The following STXBP6 variants were observed in gnomAD, a reference collection of about 807,000 sequenced individuals.
STXBP6 encodes syntaxin-binding protein 6.
STXBP6 carries 21 observed loss-of-function variants against 26.9 expected under a neutral mutation model. That is an observed-to-expected ratio of 0.78 (90% CI 0.55 to 1.12). The LOEUF (loss-of-function observed/expected upper bound fraction) is 1.12, where lower values mean the gene tolerates loss of function less well. Among genes scored for constraint, STXBP6 ranks in the 50% most tolerant of loss-of-function variants. The probability of loss-of-function intolerance (pLI) is 0.00; values close to 1 mark genes in which losing one functional copy is unlikely to be tolerated. For missense variants in STXBP6, 232 were observed against 257.9 expected (o/e 0.90, Z 0.69); for synonymous variants, 97 against 92.6 (o/e 1.05, Z -0.27).
chr14:25,037,665 A>G (rs1331917406), intron 1 of STXBP6, among the ~76,000 whole-genome samples: 1 of 152,168 alleles, frequency 6.6e-6, no homozygotes, highest in African/African-American at 2.4e-5. Context: ...TCCCAAAATC[A>G]CTGTACATGC....
At chr14:24,964,956 G>C (rs958996262) in intron 2 of STXBP6, among the ~76,000 whole-genome samples, 1 of 152,120 alleles carries the variant, frequency 6.6e-6, no homozygotes, top group African/African-American at 2.4e-5. Flanking sequence ...AGGATAAAGA[G>C]GCCTAAACAC....
chr14:24,865,069 A>C (rs541614171), intron 2 of STXBP6, among the ~76,000 whole-genome samples: 21 of 33,962 alleles, frequency 6.2e-4, no homozygotes, highest in Non-Finnish European at 2.9e-3. Context: ...AAATATTTTA[A>C]TTTTTAATTT....
chr14:24,951,999 GT>G (rs956239356), intron 2 of STXBP6, among the ~76,000 whole-genome samples: 13 of 151,144 alleles, frequency 8.6e-5, no homozygotes, highest in African/African-American at 2.9e-4. Flanking sequence ...TTTTGATTGT[GT>G]TTTTAGCACA....
chr14:24,884,423 A>T (rs577956735), intron 2 of STXBP6, among the ~76,000 whole-genome samples: 16 of 152,354 alleles, frequency 1.1e-4, no homozygotes, highest in South Asian at 8.3e-4. Flanking sequence ...TTTTCATTTT[A>T]AATTACAATG....
intron 2 of STXBP6, among the ~76,000 whole-genome samples, chr14:24,930,972 G>C (rs1336743490): frequency 1.4e-5 from 2 of 145,238 alleles, no homozygotes; most frequent in Non-Finnish European, 3.0e-5. Context: ...TTAGCCGGGC[G>C]CGGTGGCGGG....
intron 4 of STXBP6, among the ~76,000 whole-genome samples, chr14:24,854,882 T>C (rs8021541): frequency 0.21 from 31,315 of 151,994 alleles, 3,999 homozygotes; most frequent in East Asian, 0.49. Flanking sequence ...ACACCATTCA[T>C]CACCTCTTGT....
At chr14:24,967,975 C>T (rs988397049) in intron 2 of STXBP6, among the ~76,000 whole-genome samples, 8 of 152,024 alleles carry the variant, frequency 5.3e-5, no homozygotes, top group African/African-American at 1.5e-4. Flanking sequence ...ATGGTGACCC[C>T]GGCAGATCAT....
intron 2 of STXBP6, among the ~76,000 whole-genome samples, chr14:24,938,206 C>T (rs1456355597): frequency 6.6e-6 from 1 of 152,154 alleles, no homozygotes; most frequent in Non-Finnish European, 1.5e-5. Context: ...CACGCAAGAG[C>T]AGTATGAACC....
chr14:24,833,144 A>G (rs1332509883), intron 4 of STXBP6, among the ~76,000 whole-genome samples: 1 of 152,170 alleles, frequency 6.6e-6, no homozygotes, highest in Non-Finnish European at 1.5e-5. Context: ...AAGCACAGGG[A>G]GTGGATCTGC....
At position 24,864,586 on chromosome 14, in the gene STXBP6, C is replaced by T. The variant is rs1214118861; in HGVS notation, c.155-7429G>A. Among the ~76,000 whole-genome samples the T allele has an allele frequency of 2.0e-5, 3 of 151,808 alleles. No individual in the cohort carries two copies. The East Asian group carries it at 5.8e-4, about 29-fold the overall frequency. ...GAACCATGGAAGGATGTCATGTGCA[C>T]ATGGATCTCCTTTAATGTGAGAAGG... is the stretch of plus-strand genomic sequence containing the variant. On this transcript the variant is annotated intron_variant, in intron 2 of 5. Coordinates refer to ENST00000323944, the MANE Select transcript of STXBP6 (RefSeq NM_001394410.1).
At chr14:24,954,955 T>C (rs1185993006) in intron 2 of STXBP6, among the ~76,000 whole-genome samples, 1 of 152,184 alleles carries the variant, frequency 6.6e-6, no homozygotes, top group Non-Finnish European at 1.5e-5. Context: ...TGGGCATACC[T>C]ACTCCTCTGT....
intron 2 of STXBP6, among the ~76,000 whole-genome samples, chr14:24,916,593 G>A (rs2071779172): frequency 6.6e-6 from 1 of 152,064 alleles, no homozygotes; most frequent in Non-Finnish European, 1.5e-5. Context: ...TGTGGGGAGT[G>A]TTTTGTTTTA....
At chr14:24,832,922 TA>T (rs1437798445) in intron 4 of STXBP6, among the ~76,000 whole-genome samples, 27 of 152,334 alleles carry the variant, frequency 1.8e-4, no homozygotes, top group African/African-American at 5.8e-4. Context: ...TTTCATTCAT[TA>T]TCCTATTAGT....
At chr14:24,850,131 C>A (rs763382772) in intron 4 of STXBP6, among the ~76,000 whole-genome samples, 1 of 151,888 alleles carries the variant, frequency 6.6e-6, no homozygotes, top group Non-Finnish European at 1.5e-5. Flanking sequence ...GCCTGGGACA[C>A]GCACAAGGTG....
chr14:25,036,802 G>A (rs2075562054), intron 1 of STXBP6, among the ~76,000 whole-genome samples: 1 of 142,564 alleles, frequency 7.0e-6, no homozygotes, highest in South Asian at 2.2e-4. Flanking sequence ...CTTGCAGTGA[G>A]CCAAGATGGC....
chr14:24,975,565 T>C (rs1176069220), intron 1 of STXBP6, among the ~76,000 whole-genome samples: 2 of 152,178 alleles, frequency 1.3e-5, no homozygotes, highest in African/African-American at 2.4e-5. Context: ...ATCTGACTAA[T>C]GCTAAGTATT....
intron 5 of STXBP6, among the ~76,000 whole-genome samples, chr14:24,818,823 C>T (rs191768900): frequency 2.0e-5 from 3 of 152,194 alleles, no homozygotes; most frequent in South Asian, 2.1e-4. Context: ...GTCAGAGATA[C>T]GGCTGAGGAC....
rs954906657 is a variant in STXBP6, at chr14:25,049,682, G to A, written c.-33+196C>T. On this transcript the variant is annotated intron_variant, in intron 1 of 5. Transcript: ENST00000323944. This position sits in a 1 kb window ranked among gnomAD's most constrained non-coding sequence, Gnocchi z 5.6. ...CTCTCTGCGCGCACAAAGCAGCTGC[G>A]CCGGGGCGCGCGGCCCCCTCTCCCG... is the stretch of plus-strand genomic sequence containing the variant. The A allele has an allele frequency of 6.8e-5, 67 of 985,750 alleles. No individual in the cohort carries two copies. The Admixed American group carries it at 8.0e-4, about 12-fold the overall frequency. 61.1% of individuals were successfully genotyped at this position (985,750 alleles called of 1,614,324 possible).
intron 2 of STXBP6, among the ~76,000 whole-genome samples, chr14:24,865,925 A>G (rs919010436): frequency 3.0e-4 from 45 of 152,184 alleles, no homozygotes; most frequent in Non-Finnish European, 5.9e-5. Context: ...AGAGTATGCT[A>G]AAGATATATG....
Sources: allele counts gnomAD v4.1 joint callset (sites outside exome capture counted in the v4.1 genomes callset), GRCh38; gene constraint gnomAD v4.1.1; non-coding constraint Gnocchi (gnomAD v3.1); transcripts MANE v1.5; gene names NCBI Gene and HGNC (gene_info 2026-07-23, HGNC 2026-07-21).